Variants in OR56A1 observed in about 807,000 individuals in gnomAD.
OR56A1 encodes the protein olfactory receptor family 56 subfamily A member 1.
For synonymous variants in OR56A1, 174 were observed against 159.1 expected, an observed-to-expected ratio of 1.09 and a Z score of -0.70; for missense variants, 360 against 380.9, an observed-to-expected ratio of 0.94 and a Z score of 0.46.
In OR56A1 at chr11:6,027,358, G is replaced by A. The variant is rs748234843; in HGVS notation, c.335C>T (p.Pro112Leu). The change falls in exon 2 of 2, where the codon CCC (proline) becomes CTC (leucine). Residue 112 changes from proline (P) to leucine (L), a missense_variant. By Grantham distance (98) the Pro-to-Leu change is moderately conservative. Coordinates refer to ENST00000641900, the MANE Select transcript of OR56A1 (RefSeq NM_001388488.1). Reference protein sequence around the residue: ...LQMFIMNSFLPMESCTFMVMA... With the variant: ...LQMFIMNSFLLMESCTFMVMA... Reference sequence around the variant, plus strand: ...GACCATAAACGTGCAGGACTCCATGGGGAGGAAACTGTTCATGATGAACAT... The same window carrying A: ...GACCATAAACGTGCAGGACTCCATGAGGAGGAAACTGTTCATGATGAACAT... 2 of 1,614,234 alleles carry A rather than the reference G, an allele frequency of 1.2e-6. No homozygotes were observed. The highest frequency in any genetic ancestry group is 1.7e-6 in the Non-Finnish European group (2 of 1,180,034).
chr11:6,033,635 T>C (rs1291327289), upstream of OR56A1, among the ~76,000 whole-genome samples: 3 of 151,626 alleles, frequency 2.0e-5, no homozygotes, highest in Admixed American at 6.6e-5. Context: ...GGCATTGCTC[T>C]CTACTGAAGG....
At position 6,024,501 on chromosome 11, in the gene OR56A1, A is replaced by G. The variant is rs1482825897; in HGVS notation, c.*2247T>C. 2.0e-5 allele frequency: 3 copies of G among 152,224 alleles called. No homozygotes were observed. The highest frequency in any genetic ancestry group is 6.5e-5 in the Admixed American group (1 of 15,280). The allele number at this position is 152,224 out of a possible 1,614,324, so 9.4% of individuals were successfully genotyped here. On this transcript the variant is annotated 3_prime_UTR_variant, in exon 2 of 2. Coordinates refer to ENST00000641900, the MANE Select transcript of OR56A1 (RefSeq NM_001388488.1). ...AGGGAAAGCACTCCTGGAAAGACGA[A>G]TGGAGTTGACCAAATGCTTGAAAAT...
At position 6,026,530 on chromosome 11, in the gene OR56A1, C is replaced by T. The variant is rs1346301479; in HGVS notation, c.*218G>A. ...AGATTAAATTACTTAAATGTAACTG[C>T]CAAGGTTCAAAGCAGCCACTCAATA... On this transcript the variant is annotated 3_prime_UTR_variant, in exon 2 of 2. Coordinates refer to ENST00000641900, the MANE Select transcript of OR56A1 (RefSeq NM_001388488.1). The T allele has an allele frequency of 2.0e-6, 1 of 499,148 alleles. No homozygotes were observed. The highest frequency in any genetic ancestry group is 3.5e-6 in the Non-Finnish European group (1 of 285,372). 30.9% of individuals were successfully genotyped at this position (499,148 alleles called of 1,614,324 possible). A position where few individuals can be genotyped will look rare whatever the true frequency, so the allele number is the denominator to read the frequency against.
chr11:6,033,398 T>C (rs1848530609), upstream of OR56A1, among the ~76,000 whole-genome samples: 2 of 150,928 alleles, frequency 1.3e-5, no homozygotes, highest in South Asian at 4.2e-4. Context: ...TTGGCAATAT[T>C]AACCAACATG....
Position 6,027,704 on chromosome 11 carries a change from T to C in OR56A1, c.-12A>G. 1 of 1,563,268 alleles carries C rather than the reference T, an allele frequency of 6.4e-7. No homozygotes were observed. The highest frequency in any genetic ancestry group is 1.4e-5 in the African/African-American group (1 of 73,708). The stretch of plus-strand genomic sequence containing the variant: ...CTGGGTGACGCCATAGGCTGAATCA[T>C]GAGCTGAGTAGGCTTCTGATGACTA... On this transcript the variant is annotated 5_prime_UTR_variant, in exon 2 of 2. The change abolishes an upstream ATG in the 5' untranslated region. Transcript: ENST00000641900.
Position 6,021,713 on chromosome 11 carries a change from A to G in OR56A1, c.*5035T>C, listed in dbSNP as rs1335524839. 3 of 152,052 alleles carry G rather than the reference A, an allele frequency of 2.0e-5. No homozygotes were observed. The highest frequency in any genetic ancestry group is 4.4e-5 in the Non-Finnish European group (3 of 67,980). 9.4% of individuals were successfully genotyped at this position (152,052 alleles called of 1,614,324 possible). ...AACATTAATAAAGGCACAAACCCCCAAAGGCAGATGGCATTAAAAAAACAA... is the reference window on the plus strand; with the variant it reads ...AACATTAATAAAGGCACAAACCCCCGAAGGCAGATGGCATTAAAAAAACAA... On this transcript the variant is annotated 3_prime_UTR_variant, in exon 2 of 2. Transcript: ENST00000641900.
chr11:6,032,000 G>A (rs777514066), upstream of OR56A1, among the ~76,000 whole-genome samples: 1 of 151,958 alleles, frequency 6.6e-6, no homozygotes, highest in African/African-American at 2.4e-5. Flanking sequence ...TTTCAAGAAG[G>A]GTTTTACTAA....
In OR56A1 at chr11:6,027,106, G is replaced by A. The variant is rs1201003584; in HGVS notation, c.587C>T (p.Thr196Ile). Residue 196 changes from threonine (T) to isoleucine (I), a missense_variant, in exon 2 of 2, where the codon ACC (threonine) becomes ATC (isoleucine). Coordinates refer to ENST00000641900, the MANE Select transcript of OR56A1 (RefSeq NM_001388488.1). Reference protein sequence around the residue: ...SVSRLSCDNFTLNRIYQFVAG... With the variant: ...SVSRLSCDNFILNRIYQFVAG... ...CACAAATTGGTAGATTCTGTTAAGG[G>A]TGAAATTATCACAGGAGAGCCTGGA... is the stretch of plus-strand genomic sequence containing the variant. 1 of 1,614,158 alleles carries A rather than the reference G, an allele frequency of 6.2e-7. No homozygotes were observed. The highest frequency in any genetic ancestry group is 1.1e-5 in the South Asian group (1 of 91,090).
chr11:6,033,574 A>C (rs1848532152), upstream of OR56A1, among the ~76,000 whole-genome samples: 1 of 151,670 alleles, frequency 6.6e-6, no homozygotes, highest in Non-Finnish European at 1.5e-5. Flanking sequence ...TATGCATTAA[A>C]AAGTTTTTTG....
rs978646699 is a variant in OR56A1, at chr11:6,022,570, T to C, written c.*4178A>G. ...AACTACAAAGCTATCCAGTGAAAGATTAAAAATATACCTCAATCCCTAGAC... is the reference window on the plus strand; with the variant it reads ...AACTACAAAGCTATCCAGTGAAAGACTAAAAATATACCTCAATCCCTAGAC... On this transcript the variant is annotated 3_prime_UTR_variant, in exon 2 of 2. Transcript: ENST00000641900. 55 of 152,138 alleles carry C rather than the reference T, an allele frequency of 3.6e-4. No homozygotes were observed. Among genetic ancestry groups the C allele is most frequent in the African/African-American group, 8.2e-4 (34 of 41,426 alleles). The allele number at this position is 152,138 out of a possible 1,614,324, so 9.4% of individuals were successfully genotyped here.
At chr11:6,028,260 C>T (rs1848477041) in intron 1 of OR56A1, among the ~76,000 whole-genome samples, 1 of 151,104 alleles carries the variant, frequency 6.6e-6, no homozygotes, top group African/African-American at 2.4e-5. Flanking sequence ...TCATTTCCCA[C>T]AACCTGAGCC....
upstream of OR56A1, among the ~76,000 whole-genome samples, chr11:6,031,993 C>A (rs1848517281): frequency 6.6e-6 from 1 of 152,046 alleles, no homozygotes; most frequent in Admixed American, 6.6e-5. Context: ...GGGAAAATTT[C>A]AAGAAGGGTT....
chr11:6,031,361 A>G (rs74235403), upstream of OR56A1, among the ~76,000 whole-genome samples: 39 of 152,330 alleles, frequency 2.6e-4, 1 homozygote, highest in East Asian at 7.1e-3. Flanking sequence ...TATTTCCATT[A>G]GAAGAGAGAC....
chr11:6,026,873 C>A lies in OR56A1; in HGVS notation c.820G>T (p.Asp274Tyr). Reference sequence around the variant, plus strand: ...AGGACGTTCAGCAGGATCAGGATGTCCATGGGGACCTTCTTTCTGGCCACG... The same window carrying A: ...AGGACGTTCAGCAGGATCAGGATGTACATGGGGACCTTCTTTCTGGCCACG... ...TNVARKKVPM[D>Y]ILILLNVLHH... The change falls in exon 2 of 2, where the codon GAC becomes TAC. Residue 274 changes from aspartate (D) to tyrosine (Y), a missense_variant. Coordinates refer to ENST00000641900, the MANE Select transcript of OR56A1 (RefSeq NM_001388488.1). The A allele has an allele frequency of 6.2e-6, 10 of 1,614,124 alleles. No individual in the cohort carries two copies. Among genetic ancestry groups the A allele is most frequent in the Non-Finnish European group, 8.5e-6 (10 of 1,179,924 alleles).
In OR56A1 at chr11:6,027,085, A is replaced by G. The variant is rs377600103; in HGVS notation, c.608T>C (p.Phe203Ser). The part of the protein sequence containing the change: ...DNFTLNRIYQ[F>S]VAGWTLLGSD... ...GCCCAGCAAGGTCCAACCAGCCACA[A>G]ATTGGTAGATTCTGTTAAGGGTGAA... Residue 203 changes from phenylalanine (F) to serine (S), a missense_variant, in exon 2 of 2, where the codon TTT (phenylalanine) becomes TCT (serine). Physicochemically the swap from Phe to Ser is radical, Grantham distance 155. Transcript: ENST00000641900. 1,781 of 1,614,226 alleles carry G rather than the reference A, an allele frequency of 1.1e-3. 32 individuals are homozygous for G. The South Asian group carries it at 0.019, about 17-fold the overall frequency.
Position 6,027,009 on chromosome 11 carries a change from C to T in OR56A1, c.684G>A (p.Val228=), listed in dbSNP as rs757361804. 3.7e-6 allele frequency: 6 copies of T among 1,614,042 alleles called. No individual in the cohort carries two copies. The highest frequency in any genetic ancestry group is 1.3e-5 in the African/African-American group (1 of 75,056). ...CCGCCCCCTCTGCTTTGAATCTAAG[C>T]ACAGCTCTTAGAATGAAGGTGTAAG... is the stretch of plus-strand genomic sequence containing the variant. ...FLSYTFILRA[V]LRFKAEGAAV... is the part of the protein sequence containing the mutation. Residue 228 remains valine, a synonymous_variant, in exon 2 of 2, where the codon GTG becomes GTA. Coordinates refer to ENST00000641900, the MANE Select transcript of OR56A1 (RefSeq NM_001388488.1).
At position 6,019,728 on chromosome 11, in the gene OR56A1, A is replaced by G. The variant is rs1373974297; in HGVS notation, c.*7020T>C. Reference sequence around the variant, plus strand: ...TTAAAAAGACAATATGTCAGGCAACAGCATAACTAAGATACTAAACCTGAC... The same window carrying G: ...TTAAAAAGACAATATGTCAGGCAACGGCATAACTAAGATACTAAACCTGAC... On this transcript the variant is annotated 3_prime_UTR_variant, in exon 2 of 2. Coordinates refer to ENST00000641900, the MANE Select transcript of OR56A1 (RefSeq NM_001388488.1). 6.6e-6 allele frequency: 1 copy of G among 152,172 alleles called. No homozygotes were observed. Among genetic ancestry groups the G allele is most frequent in the East Asian group, 1.9e-4 (1 of 5,202 alleles). The allele number at this position is 152,172 out of a possible 1,614,324, so 9.4% of individuals were successfully genotyped here. A position where few individuals can be genotyped will look rare whatever the true frequency, so the allele number is the denominator to read the frequency against.
rs1353826822 is a variant in OR56A1, at chr11:6,024,946, C to A, written c.*1802G>T. 6.6e-6 allele frequency: 1 copy of A among 152,178 alleles called. No homozygotes were observed. Among genetic ancestry groups the A allele is most frequent in the African/African-American group, 2.4e-5 (1 of 41,442 alleles). 9.4% of individuals were successfully genotyped at this position (152,178 alleles called of 1,614,324 possible). On this transcript the variant is annotated 3_prime_UTR_variant, in exon 2 of 2. Transcript: ENST00000641900. ...AAGCCAATGGGTATAATTTTTCTTTCCTACTGTTGTTGAGTGACTGGAAGA... is the reference window on the plus strand; with the variant it reads ...AAGCCAATGGGTATAATTTTTCTTTACTACTGTTGTTGAGTGACTGGAAGA...
rs1007280490 is a variant in OR56A1, at chr11:6,019,843, G to A, written c.*6905C>T. ...AGCATTTAGGCACAGTATTCAATTC[G>A]TCAGTCACTCTGTGAATTCAAGTAA... On this transcript the variant is annotated 3_prime_UTR_variant, in exon 2 of 2. Transcript: ENST00000641900. 17 of 152,056 alleles carry A rather than the reference G, an allele frequency of 1.1e-4. No individual in the cohort carries two copies. Among genetic ancestry groups the A allele is most frequent in the Admixed American group, 8.5e-4 (13 of 15,266 alleles). The allele number at this position is 152,056 out of a possible 1,614,324, so 9.4% of individuals were successfully genotyped here. A position where few individuals can be genotyped will look rare whatever the true frequency, so the allele number is the denominator to read the frequency against.
Sources: gnomAD v4.1 joint callset for allele counts (sites outside exome capture counted in the v4.1 genomes callset) on GRCh38, gnomAD v4.1.1 for gene constraint, MANE v1.5 for transcripts, NCBI Gene and HGNC (gene_info 2026-07-23, HGNC 2026-07-21) for gene names.